MVB12B: variants seen among roughly 807,000 people sequenced by gnomAD.
The protein encoded by MVB12B is multivesicular body subunit 12B, also known as ESCRT-I complex subunit MVB12B.
Under a neutral mutation model 41.6 loss-of-function variants are expected in MVB12B, and 16 were observed. The observed-to-expected ratio is 0.38, with a 90% confidence interval of 0.26 to 0.58. The LOEUF (loss-of-function observed/expected upper bound fraction) is 0.58. Ranked by LOEUF, MVB12B falls within the 20% of genes least tolerant of loss-of-function variation. The pLI is 0.62. For synonymous variants in MVB12B, 133 were observed against 139.7 expected (o/e 0.95, Z 0.34); for missense variants, 274 against 380.2 (o/e 0.72, Z 2.32).
At chr9:126,410,894 T>G (rs551822019) in intron 6 of MVB12B, among the ~76,000 whole-genome samples, 1 of 150,418 alleles carries the variant, frequency 6.6e-6, no homozygotes, top group African/African-American at 2.4e-5. Flanking sequence ...ATTTCTTTTT[T>G]TTTTTTTTTT....
At chr9:126,502,922 C>G (rs62578079) in intron 9 of MVB12B, among the ~76,000 whole-genome samples, 37,796 of 152,128 alleles carry the variant, frequency 0.25, 5,530 homozygotes, top group African/African-American at 0.4. Flanking sequence ...AGCAGGCAGG[C>G]ACTGTGGAGG....
At chr9:126,461,403 T>G (rs780135588) in intron 7 of MVB12B, among the ~76,000 whole-genome samples, 1 of 152,250 alleles carries the variant, frequency 6.6e-6, no homozygotes, top group Non-Finnish European at 1.5e-5. Context: ...AGAAAGTCTC[T>G]TTTAAGCAGA....
intron 1 of MVB12B, among the ~76,000 whole-genome samples, chr9:126,328,058 C>T (rs1369360118): frequency 6.6e-6 from 1 of 152,126 alleles, no homozygotes; most frequent in Non-Finnish European, 1.5e-5. Flanking sequence ...ATCTTATCAG[C>T]GGCACCAGGA....
At chr9:126,330,026 C>G (rs1829085038) in intron 1 of MVB12B, among the ~76,000 whole-genome samples, 1 of 151,454 alleles carries the variant, frequency 6.6e-6, no homozygotes. Flanking sequence ...TTGCCAGAGT[C>G]AGGTCTCCTG....
intron 9 of MVB12B, among the ~76,000 whole-genome samples, chr9:126,498,331 T>G (rs912932942): frequency 3.9e-5 from 6 of 152,166 alleles, no homozygotes; most frequent in African/African-American, 1.4e-4. Flanking sequence ...TCTCCCTGCC[T>G]GTGCTAGGGC....
intron 7 of MVB12B, among the ~76,000 whole-genome samples, chr9:126,475,988 G>A (rs537368423): frequency 8.5e-6 from 1 of 117,684 alleles, no homozygotes; most frequent in Non-Finnish European, 2.1e-5. Flanking sequence ...TGACCAGACA[G>A]CTCCTCCTTG....
At chr9:126,454,802 A>T (rs1360357969) in intron 7 of MVB12B, among the ~76,000 whole-genome samples, 1 of 148,806 alleles carries the variant, frequency 6.7e-6, no homozygotes, top group Non-Finnish European at 1.5e-5. Context: ...TTTTTTTTTT[A>T]ACCAGCCAGG....
chr9:126,396,205 T>C, intron 6 of MVB12B: 2 of 986,792 alleles, frequency 2.0e-6, no homozygotes, highest in Non-Finnish European at 2.4e-6. Context: ...ATGCTAGTTT[T>C]AACAATTGTC....
rs924050555 is a variant in MVB12B, at chr9:126,473,072, C to T, written c.758-8297C>T. 6.6e-6 allele frequency among the ~76,000 whole-genome samples: 1 copy of T among 152,180 alleles called. No individual in the cohort carries two copies. The highest frequency in any genetic ancestry group is 1.5e-5 in the Non-Finnish European group (1 of 68,034). On this transcript the variant is annotated intron_variant, in intron 7 of 9. Coordinates refer to ENST00000361171, the MANE Select transcript of MVB12B (RefSeq NM_033446.3). The surrounding 1 kb of genome is among the most constrained non-coding windows in gnomAD (Gnocchi z 4.0). ...AAGAGCAGAAGCCAGGGTTAGGTGACCAGCCCTCCCTACGTGGTGGGTGCT... is the reference window on the plus strand; with the variant it reads ...AAGAGCAGAAGCCAGGGTTAGGTGATCAGCCCTCCCTACGTGGTGGGTGCT...
At chr9:126,437,328 T>C (rs944919442) in intron 7 of MVB12B, among the ~76,000 whole-genome samples, 7 of 152,194 alleles carry the variant, frequency 4.6e-5, no homozygotes, top group African/African-American at 1.7e-4. Context: ...TGAAATTGAG[T>C]ACAGTTTGCA....
At chr9:126,491,894 A>G (rs1833739224) in intron 9 of MVB12B, among the ~76,000 whole-genome samples, 2 of 152,196 alleles carry the variant, frequency 1.3e-5, no homozygotes, top group African/African-American at 4.8e-5. Flanking sequence ...ACCACAGCGC[A>G]GGAATCAGTT....
chr9:126,413,845 T>TGTGTGTG (rs1554776224), intron 6 of MVB12B, among the ~76,000 whole-genome samples: 1,624 of 139,318 alleles, frequency 0.012, 19 homozygotes, highest in Admixed American at 0.02. Flanking sequence ...TGTGTGTGTG[T>TGTGTGTG]GTGTGTGTAT....
At chr9:126,361,290 C>G (rs1830022843) in intron 2 of MVB12B, among the ~76,000 whole-genome samples, 1 of 152,100 alleles carries the variant, frequency 6.6e-6, no homozygotes, top group South Asian at 2.1e-4. Context: ...TTATCACAGT[C>G]TACTTTTAAG....
chr9:126,344,822 C>T (rs898949660), intron 2 of MVB12B, among the ~76,000 whole-genome samples: 1 of 152,182 alleles, frequency 6.6e-6, no homozygotes, highest in Non-Finnish European at 1.5e-5. Flanking sequence ...TGGCGGAAGT[C>T]GGAGGGGCAA....
chr9:126,391,151 G>T lies in MVB12B; in HGVS notation c.410-915G>T, dbSNP rs1830939124. Among the ~76,000 whole-genome samples the T allele has an allele frequency of 6.6e-6, 1 of 152,170 alleles. No individual in the cohort carries two copies. Among genetic ancestry groups the T allele is most frequent in the Non-Finnish European group, 1.5e-5 (1 of 68,030 alleles). On this transcript the variant is annotated intron_variant, in intron 4 of 9. Coordinates refer to ENST00000361171, the MANE Select transcript of MVB12B (RefSeq NM_033446.3). This position sits in a 1 kb window ranked among gnomAD's most constrained non-coding sequence, Gnocchi z 4.4. Reference sequence around the variant, plus strand: ...CAAGAATGGCCCAGCCAGACTCTGGGCCTCACTATATGACAGCCTAGACTT... The same window carrying T: ...CAAGAATGGCCCAGCCAGACTCTGGTCCTCACTATATGACAGCCTAGACTT...
chr9:126,471,327 C>A (rs564877964), intron 7 of MVB12B, among the ~76,000 whole-genome samples: 15 of 152,262 alleles, frequency 9.9e-5, no homozygotes, highest in Admixed American at 9.8e-4. Context: ...ATACGGCCAA[C>A]AAGCACTGGG....
Position 126,421,993 on chromosome 9 carries a change from C to G in MVB12B, c.757+45C>G, listed in dbSNP as rs768606870. 5.9e-6 allele frequency: 8 copies of G among 1,365,946 alleles called. No individual in the cohort carries two copies. The East Asian group carries it at 1.8e-4, about 31-fold the overall frequency. The allele number at this position is 1,365,946 out of a possible 1,614,324, so 84.6% of individuals were successfully genotyped here. On this transcript the variant is annotated intron_variant, in intron 7 of 9. Transcript: ENST00000361171. ...CAGGCCAGCTACAGAGTCTGTGTCC[C>G]GGGCGCCACCTCCTTCCACACGTTC...
chr9:126,402,928 C>T (rs575965012), intron 6 of MVB12B, among the ~76,000 whole-genome samples: 5 of 152,324 alleles, frequency 3.3e-5, no homozygotes, highest in East Asian at 1.9e-4. Context: ...TGAATGATCC[C>T]GCTGCGCAAG....
At chr9:126,418,697 C>T (rs1231447349) in intron 6 of MVB12B, among the ~76,000 whole-genome samples, 2 of 152,168 alleles carry the variant, frequency 1.3e-5, no homozygotes, top group Non-Finnish European at 2.9e-5. Flanking sequence ...GGCATGGCCA[C>T]CCTGGCTTCC....
Sources: allele counts gnomAD v4.1 joint callset (sites outside exome capture counted in the v4.1 genomes callset), GRCh38; gene constraint gnomAD v4.1.1; non-coding constraint Gnocchi (gnomAD v3.1); transcripts MANE v1.5; gene names NCBI Gene and HGNC (gene_info 2026-07-23, HGNC 2026-07-21).